ADGRB3: variants seen among roughly 807,000 people sequenced by gnomAD.
ADGRB3 encodes brain-specific angiogenesis inhibitor 3.
In ADGRB3, 37 loss-of-function variants were observed where a neutral mutation model predicts 193.4. The observed-to-expected ratio is 0.19, with a 90% CI of 0.15 to 0.25. The LOEUF (loss-of-function observed/expected upper bound fraction) is 0.25, where lower values mean the gene tolerates loss of function less well. Ranked by LOEUF, ADGRB3 falls within the 10% of genes least tolerant of loss-of-function variation. The probability of loss-of-function intolerance (pLI) is 1.00; values close to 1 mark genes in which losing one functional copy is unlikely to be tolerated. For synonymous variants in ADGRB3, 690 were observed against 644.2 expected (o/e 1.07, Z -1.08); for missense variants, 1,637 against 1,852.9 (o/e 0.88, Z 2.14).
At chr6:68,897,484 A>G in intron 3 of ADGRB3, among the ~76,000 whole-genome samples, 2 of 84,326 alleles carry the variant, frequency 2.4e-5, no homozygotes, top group East Asian at 4.0e-4. Flanking sequence ...GGAGGGATGG[A>G]GGAAGGGAGG....
At chr6:69,007,693 T>TCTCACA (rs1232770873) in intron 11 of ADGRB3, among the ~76,000 whole-genome samples, 14 of 90,170 alleles carry the variant, frequency 1.6e-4, no homozygotes, top group African/African-American at 5.6e-4. Flanking sequence ...TCTCTCTCTC[T>TCTCACA]CACACACACA....
At chr6:68,769,309 A>G (rs1317566869) in intron 3 of ADGRB3, among the ~76,000 whole-genome samples, 2 of 152,228 alleles carry the variant, frequency 1.3e-5, no homozygotes. Flanking sequence ...TCAATGATAG[A>G]CTGGATAAAT....
intron 3 of ADGRB3, among the ~76,000 whole-genome samples, chr6:68,772,882 CAA>C (rs763967322): frequency 6.5e-3 from 155 of 23,854 alleles, no homozygotes; most frequent in African/African-American, 0.011. Flanking sequence ...AACAAACAAA[CAA>C]AAAAAAAAAA....
intron 3 of ADGRB3, among the ~76,000 whole-genome samples, chr6:68,824,223 T>TATTTC (rs1562044978): frequency 6.6e-6 from 1 of 151,158 alleles, no homozygotes; most frequent in African/African-American, 2.4e-5. Context: ...TCTTAAACTT[T>TATTTC]TATTTCTATT....
intron 17 of ADGRB3, among the ~76,000 whole-genome samples, chr6:69,212,778 A>C (rs1004334808): frequency 2.6e-5 from 4 of 152,194 alleles, no homozygotes; most frequent in Non-Finnish European, 4.4e-5. Flanking sequence ...GGGTCTTTGC[A>C]TGTAACCTTT....
intron 17 of ADGRB3, among the ~76,000 whole-genome samples, chr6:69,148,778 A>T (rs531113948): frequency 6.6e-6 from 1 of 152,082 alleles, no homozygotes; most frequent in Non-Finnish European, 1.5e-5. Flanking sequence ...TTTCTTCTTC[A>T]TGTTTGAAGG....
intron 5 of ADGRB3, among the ~76,000 whole-genome samples, chr6:68,937,573 G>A (rs977597011): frequency 6.6e-6 from 1 of 152,136 alleles, no homozygotes; most frequent in Non-Finnish European, 1.5e-5. Flanking sequence ...CCTCCAAAAG[G>A]GGATGGGTGT....
chr6:68,637,749 A>G (rs1767990411), intron 2 of ADGRB3, among the ~76,000 whole-genome samples, 187 bp downstream of exon 2: 1 of 152,104 alleles, frequency 6.6e-6, no homozygotes. Context: ...AGTTGATAAG[A>G]TAATTTTTCA....
At chr6:68,936,456 A>T (rs1158779674) in intron 4 of ADGRB3, 63 bp from the exon 5 acceptor site, 1 of 1,505,188 alleles carries the variant, frequency 6.6e-7, no homozygotes, top group Non-Finnish European at 9.1e-7. Context: ...TCAGTTTGGT[A>T]TAATGCTTAC....
chr6:69,166,307 A>G (rs1775131694), intron 17 of ADGRB3, among the ~76,000 whole-genome samples: 1 of 152,102 alleles, frequency 6.6e-6, no homozygotes, highest in Admixed American at 6.6e-5. Flanking sequence ...TGTGTCATCT[A>G]GGGAAGACCA....
intron 11 of ADGRB3, among the ~76,000 whole-genome samples, chr6:69,013,008 C>A (rs1173342885): frequency 6.6e-6 from 1 of 152,088 alleles, no homozygotes; most frequent in Non-Finnish European, 1.5e-5. Context: ...CACAGCCAAG[C>A]CACCACTGCC....
intron 3 of ADGRB3, among the ~76,000 whole-genome samples, chr6:68,695,799 A>C (rs1211398493): frequency 2.6e-5 from 4 of 151,822 alleles, no homozygotes; most frequent in Non-Finnish European, 5.9e-5. Flanking sequence ...CAACACATAT[A>C]GGGATGACTG....
At chr6:68,677,285 G>A (rs73461970) in intron 3 of ADGRB3, among the ~76,000 whole-genome samples, 4,918 of 152,138 alleles carry the variant, frequency 0.032, 138 homozygotes, top group African/African-American at 0.073. Context: ...ACTGTCCTCA[G>A]TGCATTTATA....
At chr6:68,829,610 A>G (rs189029560) in intron 3 of ADGRB3, among the ~76,000 whole-genome samples, 104 of 152,302 alleles carry the variant, frequency 6.8e-4, no homozygotes, top group African/African-American at 2.4e-3. Context: ...TATTAAATAT[A>G]TTTTTAACAA....
At chr6:68,730,031 C>T (rs1177769762) in intron 3 of ADGRB3, among the ~76,000 whole-genome samples, 1 of 151,258 alleles carries the variant, frequency 6.6e-6, no homozygotes, top group Non-Finnish European at 1.5e-5. Context: ...ATTCAATCTG[C>T]TTACTTGCTG....
intron 3 of ADGRB3, among the ~76,000 whole-genome samples, chr6:68,889,713 A>G (rs1218740790): frequency 2.6e-5 from 4 of 152,026 alleles, no homozygotes; most frequent in Non-Finnish European, 4.4e-5. Flanking sequence ...TGTGTTAGCC[A>G]GGATATTCTC....
At position 68,716,047 on chromosome 6, in the gene ADGRB3, G is replaced by C. The variant is rs574123654; in HGVS notation, c.757+76615G>C. Among the ~76,000 whole-genome samples, 186 of 151,718 alleles carry C rather than the reference G, an allele frequency of 1.2e-3. 1 individual carries two copies. Among genetic ancestry groups the C allele is most frequent in the African/African-American group, 4.3e-3 (177 of 41,458 alleles). ...GTCTTATCAAGACTGGCATTATATA[G>C]ATTAAATAAAGAAGAAATTGAACTT... On this transcript the variant is annotated intron_variant, in intron 3 of 31. Coordinates refer to ENST00000370598, the MANE Select transcript of ADGRB3 (RefSeq NM_001704.3).
intron 3 of ADGRB3, among the ~76,000 whole-genome samples, chr6:68,792,156 C>G (rs974917557): frequency 1.3e-5 from 2 of 152,148 alleles, no homozygotes; most frequent in Non-Finnish European, 2.9e-5. Flanking sequence ...TTGTTTTACT[C>G]ACAAATTTCA....
intron 17 of ADGRB3, among the ~76,000 whole-genome samples, chr6:69,230,080 T>G (rs1260737735): frequency 6.6e-6 from 1 of 152,108 alleles, no homozygotes; most frequent in Non-Finnish European, 1.5e-5. Flanking sequence ...TGTATGGAAT[T>G]TCTGCAAACA....
Sources: gnomAD v4.1 joint callset for allele counts (sites outside exome capture counted in the v4.1 genomes callset) on GRCh38, gnomAD v4.1.1 for gene constraint, MANE v1.5 for transcripts, NCBI Gene and HGNC (gene_info 2026-07-23, HGNC 2026-07-21) for gene names.